The following CYP2C19 variants were observed in gnomAD, a reference collection of about 807,000 sequenced individuals.
CYP2C19 encodes the protein cytochrome P450 2C19.
In CYP2C19, 59 loss-of-function variants were observed where a neutral mutation model predicts 40.9. That is an observed-to-expected ratio of 1.44 (90% confidence interval 1.17 to 1.79). CYP2C19 has a LOEUF of 1.79. CYP2C19 is among the 40% of genes most tolerant of loss of function. The pLI is 0.00. For missense variants in CYP2C19, 754 were observed against 596.9 expected, an observed-to-expected ratio of 1.26 and a Z score of -2.74; for synonymous variants, 253 against 208.7, an observed-to-expected ratio of 1.21 and a Z score of -1.83.
chr10:94,782,889 C>T (rs575603927), intron 5 of CYP2C19, among the ~76,000 whole-genome samples: 5 of 152,162 alleles, frequency 3.3e-5, no homozygotes, highest in Non-Finnish European at 7.4e-5. Flanking sequence ...TGTTCTCACT[C>T]ATAAGTGGCA....
At position 94,781,946 on chromosome 10, in the gene CYP2C19, C is replaced by T. The variant is rs770993888; in HGVS notation, c.768C>T (p.Asp256=). The T allele has an allele frequency of 1.3e-6, 2 of 1,519,178 alleles. No homozygotes were observed. The highest frequency in any genetic ancestry group is 1.7e-6 in the Non-Finnish European group (2 of 1,144,846). The allele number at this position is 1,519,178 out of a possible 1,614,324, so 94.1% of individuals were successfully genotyped here. Residue 256 remains aspartate, a synonymous_variant, in exon 5 of 9, where the codon GAC becomes GAT. Transcript: ENST00000371321. ...EKVKEHQESM[D]INNPRDFIDC... is the part of the protein sequence containing the mutation. ...TAAAAGAACACCAAGAATCGATGGA[C>T]ATCAACAACCCTCGGGACTTTATTG... is the stretch of plus-strand genomic sequence containing the variant.
intron 3 of CYP2C19, 146 bp from the exon 4 acceptor site, chr10:94,780,353 T>A: frequency 3.0e-6 from 3 of 986,934 alleles, no homozygotes; most frequent in Non-Finnish European, 4.4e-6. Context: ...GTTGATTTTA[T>A]GCATGCCAAA....
chr10:94,833,632 G>T (rs1340646233), intron 6 of CYP2C19, among the ~76,000 whole-genome samples: 1 of 152,130 alleles, frequency 6.6e-6, no homozygotes, highest in Admixed American at 6.5e-5. Flanking sequence ...AAAATGATGA[G>T]TTCATGTCCT....
intron 5 of CYP2C19, among the ~76,000 whole-genome samples, chr10:94,806,948 T>G (rs1308810350): frequency 1.3e-5 from 2 of 152,158 alleles, no homozygotes; most frequent in East Asian, 3.9e-4. Context: ...AATAAAGTGT[T>G]GTTAATTATA....
At chr10:94,803,954 A>C (rs1348313586) in intron 5 of CYP2C19, among the ~76,000 whole-genome samples, 1 of 152,026 alleles carries the variant, frequency 6.6e-6, no homozygotes, top group Non-Finnish European at 1.5e-5. Flanking sequence ...GCACAGGAAG[A>C]GTGGGGTGGC....
intron 3 of CYP2C19, chr10:94,776,158 T>G (rs1399705824): frequency 6.6e-6 from 1 of 152,316 alleles, no homozygotes; most frequent in Non-Finnish European, 1.5e-5. Flanking sequence ...ATAGTGTTAA[T>G]TATTTCTTGT....
chr10:94,847,593 A>C (rs554693805), intron 7 of CYP2C19, among the ~76,000 whole-genome samples: 1 of 152,340 alleles, frequency 6.6e-6, no homozygotes, highest in African/African-American at 2.4e-5. Context: ...GTATATACCC[A>C]GTAATGGGAT....
intron 6 of CYP2C19, among the ~76,000 whole-genome samples, chr10:94,829,646 C>G (rs557575771): frequency 7.4e-4 from 112 of 151,556 alleles, no homozygotes; most frequent in Non-Finnish European, 1.3e-3. Context: ...AAGCCTTCTT[C>G]TCTCAGCTCA....
chr10:94,837,745 C>G (rs1226678681), intron 6 of CYP2C19, among the ~76,000 whole-genome samples: 2 of 152,092 alleles, frequency 1.3e-5, no homozygotes, highest in African/African-American at 2.4e-5. Flanking sequence ...AATGGTCAAG[C>G]ATACCCGGGG....
chr10:94,772,484 A>G (rs1225534954), intron 1 of CYP2C19, among the ~76,000 whole-genome samples: 2 of 152,106 alleles, frequency 1.3e-5, no homozygotes, highest in Admixed American at 6.5e-5. Context: ...TCTGGCAGGC[A>G]TTAGGACCCA....
intron 1 of CYP2C19, among the ~76,000 whole-genome samples, chr10:94,769,444 AG>A (rs1477998033): frequency 6.6e-6 from 1 of 152,180 alleles, no homozygotes; most frequent in African/African-American, 2.4e-5. Context: ...AGGGGAATAC[AG>A]AAGAAGGCAT....
At chr10:94,795,518 C>T (rs1401266271) in intron 5 of CYP2C19, among the ~76,000 whole-genome samples, 2 of 152,018 alleles carry the variant, frequency 1.3e-5, no homozygotes, top group African/African-American at 4.8e-5. Flanking sequence ...GGTATTTACC[C>T]AGTAATGGGA....
intron 5 of CYP2C19, among the ~76,000 whole-genome samples, chr10:94,802,824 A>G (rs1186521980): frequency 6.6e-6 from 1 of 152,062 alleles, no homozygotes; most frequent in Non-Finnish European, 1.5e-5. Flanking sequence ...AAAGGATTTT[A>G]TTTCTCCTTC....
chr10:94,804,942 T>C (rs2134255831), intron 5 of CYP2C19, among the ~76,000 whole-genome samples: 1 of 152,308 alleles, frequency 6.6e-6, no homozygotes, highest in East Asian at 1.9e-4. Context: ...TTCTTGATTA[T>C]TGTTTTCTTT....
intron 8 of CYP2C19, 120 bp downstream of exon 8, chr10:94,850,178 C>A: frequency 8.2e-7 from 1 of 1,212,918 alleles, no homozygotes; most frequent in Non-Finnish European, 1.2e-6. Flanking sequence ...ATCAAGAGCA[C>A]TGTTCTGAAT....
intron 5 of CYP2C19, among the ~76,000 whole-genome samples, chr10:94,804,815 G>T (rs2104161): frequency 0.48 from 73,626 of 152,100 alleles, 18,780 homozygotes; most frequent in African/African-American, 0.64. Flanking sequence ...TTTATGTACT[G>T]TGCTATTTCC....
Position 94,781,982 on chromosome 10 carries a change from G to C in CYP2C19, c.804G>C (p.Leu268=), listed in dbSNP as rs756556587. ...NNPRDFIDCF[L]IKMEKEKQNQ... ...CTCGGGACTTTATTGATTGCTTCCT[G>C]ATCAAAATGGAGAAGGTAAAATGTT... The change falls in exon 5 of 9, where the codon CTG becomes CTC. Residue 268 remains leucine (L), a synonymous_variant. Coordinates refer to ENST00000371321, the MANE Select transcript of CYP2C19 (RefSeq NM_000769.4). 2.6e-6 allele frequency: 4 copies of C among 1,535,400 alleles called. No homozygotes were observed. The South Asian group carries it at 5.4e-5, about 21-fold the overall frequency.
At chr10:94,763,432 C>A (rs560023364) in intron 1 of CYP2C19, among the ~76,000 whole-genome samples, 1 of 152,064 alleles carries the variant, frequency 6.6e-6, no homozygotes, top group African/African-American at 2.4e-5. Context: ...ATATAAACCC[C>A]AAAATGACCT....
chr10:94,821,208 T>G (rs1243918723), intron 6 of CYP2C19, among the ~76,000 whole-genome samples: 1 of 152,196 alleles, frequency 6.6e-6, no homozygotes, highest in Non-Finnish European at 1.5e-5. Context: ...TGGCCCAGTG[T>G]GTCTGGATTT....
Sources: gnomAD v4.1 joint callset for allele counts (sites outside exome capture counted in the v4.1 genomes callset) on GRCh38, gnomAD v4.1.1 for gene constraint, MANE v1.5 for transcripts, NCBI Gene and HGNC (gene_info 2026-07-23, HGNC 2026-07-21) for gene names.